The following CCDC85A variants were observed in gnomAD, a reference collection of about 807,000 sequenced individuals.
CCDC85A encodes the protein coiled-coil domain containing 85A.
Under a neutral mutation model 50.2 loss-of-function variants are expected in CCDC85A, and 38 were observed. The ratio of observed to expected loss-of-function variants is 0.76; its 90% CI spans 0.58 to 0.99. The LOEUF is 0.99. Ranked by LOEUF, CCDC85A falls within the 50% of genes least tolerant of loss-of-function variation. The pLI is 0.00. For missense variants in CCDC85A, 820 were observed against 742.0 expected, an observed-to-expected ratio of 1.11 and a Z score of -1.22; for synonymous variants, 366 against 301.4, an observed-to-expected ratio of 1.21 and a Z score of -2.22.
intron 2 of CCDC85A, among the ~76,000 whole-genome samples, chr2:56,274,979 T>C (rs1670861956): frequency 6.6e-6 from 1 of 152,186 alleles, no homozygotes; most frequent in Non-Finnish European, 1.5e-5. Context: ...CTCTGGTGTC[T>C]GTTCTTATAA....
intron 2 of CCDC85A, among the ~76,000 whole-genome samples, chr2:56,204,590 G>A (rs931187364): frequency 6.6e-6 from 1 of 152,206 alleles, no homozygotes; most frequent in Non-Finnish European, 1.5e-5. Context: ...TAATCTACCT[G>A]TATGTCTAAT....
chr2:56,266,437 A>T (rs1670443576), intron 2 of CCDC85A, among the ~76,000 whole-genome samples: 2 of 152,178 alleles, frequency 1.3e-5, no homozygotes, highest in Non-Finnish European at 2.9e-5. Context: ...AAAACAGTGG[A>T]TTCTCAGGAC....
intron 5 of CCDC85A, among the ~76,000 whole-genome samples, chr2:56,376,298 T>G (rs924778644): frequency 6.6e-6 from 1 of 152,184 alleles, no homozygotes; most frequent in African/African-American, 2.4e-5. Context: ...AAGTTAATAG[T>G]TGGTCATAAT....
chr2:56,304,621 A>G (rs545436749), intron 2 of CCDC85A, among the ~76,000 whole-genome samples: 1 of 152,314 alleles, frequency 6.6e-6, no homozygotes, highest in Non-Finnish European at 1.5e-5. Flanking sequence ...TAGTAAATGT[A>G]CAAAAAATAG....
At chr2:56,367,867 A>C (rs952052002) in intron 3 of CCDC85A, among the ~76,000 whole-genome samples, 1 of 152,096 alleles carries the variant, frequency 6.6e-6, no homozygotes, top group African/African-American at 2.4e-5. Context: ...AGCTCTTTCC[A>C]TGTAAGTTTC....
intron 4 of CCDC85A, among the ~76,000 whole-genome samples, chr2:56,375,554 G>A (rs1362454015): frequency 2.6e-5 from 4 of 152,118 alleles, no homozygotes; most frequent in African/African-American, 9.7e-5. Context: ...TTCTTGAAAT[G>A]TGTTTAAGGG....
intron 2 of CCDC85A, among the ~76,000 whole-genome samples, chr2:56,220,871 A>T (rs1668295789): frequency 6.6e-6 from 1 of 151,998 alleles, no homozygotes; most frequent in South Asian, 2.1e-4. Context: ...CCATAAATCT[A>T]GAGGAAAAAG....
chr2:56,325,335 A>ACC (rs986353048), intron 2 of CCDC85A, among the ~76,000 whole-genome samples: 1 of 152,024 alleles, frequency 6.6e-6, no homozygotes, highest in Non-Finnish European at 1.5e-5. Flanking sequence ...TATTGTATTT[A>ACC]CCCTGGTTTC....
At chr2:56,316,570 T>G (rs1672931523) in intron 2 of CCDC85A, among the ~76,000 whole-genome samples, 1 of 152,044 alleles carries the variant, frequency 6.6e-6, no homozygotes, top group East Asian at 1.9e-4. Flanking sequence ...AGATATGATC[T>G]TAGTACTCGA....
intron 1 of CCDC85A, among the ~76,000 whole-genome samples, chr2:56,189,286 G>C (rs1676189664): frequency 1.8e-5 from 2 of 112,260 alleles, no homozygotes; most frequent in African/African-American, 3.5e-5. Context: ...CATGCACGGG[G>C]TATTTTTGGT....
At chr2:56,307,719 TG>T (rs1672507907) in intron 2 of CCDC85A, among the ~76,000 whole-genome samples, 1 of 152,166 alleles carries the variant, frequency 6.6e-6, no homozygotes, top group Non-Finnish European at 1.5e-5. Context: ...GTAATGTACC[TG>T]AAAATTGAAA....
At chr2:56,250,713 A>AG (rs1669715494) in intron 2 of CCDC85A, among the ~76,000 whole-genome samples, 2 of 152,202 alleles carry the variant, frequency 1.3e-5, no homozygotes, top group Admixed American at 1.3e-4. Context: ...AAAAATATCA[A>AG]ACCACTCCCC....
In CCDC85A at chr2:56,213,557, T is replaced by C. The variant is rs559677738; in HGVS notation, c.1240+20117T>C. ...AGTTGTTCTAAGAGGTTGTTCTGCA[T>C]CTTTCTAGGAGGTTAGGGGAAAAGG... On this transcript the variant is annotated intron_variant, in intron 2 of 5. Transcript: ENST00000407595. Among the ~76,000 whole-genome samples the C allele has an allele frequency of 5.3e-5, 8 of 152,084 alleles. No homozygotes were observed. In the South Asian group the frequency reaches 1.7e-3, roughly 32 times the overall value.
Position 56,193,080 on chromosome 2 carries a change from A to G in CCDC85A, c.880A>G (p.Arg294Gly). 1 of 1,612,874 alleles carries G rather than the reference A, an allele frequency of 6.2e-7. No homozygotes were observed. The change falls in exon 2 of 6, where the codon AGG becomes GGG. Residue 294 changes from arginine (R) to glycine (G), a missense_variant. Coordinates refer to ENST00000407595, the MANE Select transcript of CCDC85A (RefSeq NM_001080433.2). Reference sequence around the variant, plus strand: ...GTGCAAGGGCAGCCCCGAACAGCAAAGGCACCCGCATCCAGGGAGCAGCCC... The same window carrying G: ...GTGCAAGGGCAGCCCCGAACAGCAAGGGCACCCGCATCCAGGGAGCAGCCC... Reference protein sequence around the residue: ...PLCKGSPEQQRHPHPGSSPET... With the variant: ...PLCKGSPEQQGHPHPGSSPET...
rs146160469 is a variant in CCDC85A, at chr2:56,327,601, G to A, written c.1241-15278G>A. On this transcript the variant is annotated intron_variant, in intron 2 of 5. Transcript: ENST00000407595. The stretch of plus-strand genomic sequence containing the variant: ...TGTGACAAATGATATCCCAGCCTAC[G>A]GTGTCTTAGTAGTATAGTTATTCTA... Among the ~76,000 whole-genome samples, 19 of 152,066 alleles carry A rather than the reference G, an allele frequency of 1.2e-4. No homozygotes were observed. The East Asian group carries it at 3.5e-3, about 28-fold the overall frequency.
Position 56,296,613 on chromosome 2 carries a change from G to A in CCDC85A, c.1241-46266G>A, listed in dbSNP as rs190339564. Among the ~76,000 whole-genome samples the A allele has an allele frequency of 2.0e-5, 3 of 152,234 alleles. No homozygotes were observed. The East Asian group carries it at 5.8e-4, about 29-fold the overall frequency. The stretch of plus-strand genomic sequence containing the variant: ...ACCTTAAGCAGGCATTATTCAGAAA[G>A]GCTTTTGTCAGGATTCTGGCCTGTT... On this transcript the variant is annotated intron_variant, in intron 2 of 5. Coordinates refer to ENST00000407595, the MANE Select transcript of CCDC85A (RefSeq NM_001080433.2).
intron 2 of CCDC85A, among the ~76,000 whole-genome samples, chr2:56,337,761 A>C (rs1416843465): frequency 6.6e-6 from 1 of 150,918 alleles, no homozygotes; most frequent in Non-Finnish European, 1.5e-5. Context: ...ACTGCTTATA[A>C]GTTTCTTGAA....
chr2:56,320,025 C>T (rs536989576), intron 2 of CCDC85A, among the ~76,000 whole-genome samples: 13 of 152,272 alleles, frequency 8.5e-5, no homozygotes, highest in African/African-American at 3.1e-4. Context: ...GGGCAACCTG[C>T]TCCTGAATGA....
At chr2:56,256,708 A>G (rs1190150758) in intron 2 of CCDC85A, among the ~76,000 whole-genome samples, 2 of 152,206 alleles carry the variant, frequency 1.3e-5, no homozygotes, top group Non-Finnish European at 2.9e-5. Flanking sequence ...GCCCAGGCAG[A>G]TAAATATAAC....
Sources: gnomAD v4.1 joint callset for allele counts (sites outside exome capture counted in the v4.1 genomes callset) on GRCh38, gnomAD v4.1.1 for gene constraint, MANE v1.5 for transcripts, NCBI Gene and HGNC (gene_info 2026-07-23, HGNC 2026-07-21) for gene names.